XPO7: variants seen among roughly 807,000 people sequenced by gnomAD.
XPO7 encodes the protein exportin 7.
A neutral mutation model predicts 144.3 loss-of-function variants in XPO7; 21 were observed. The observed-to-expected ratio is 0.15, with a 90% CI of 0.10 to 0.21. The LOEUF (loss-of-function observed/expected upper bound fraction) is 0.21. Among genes scored for constraint, XPO7 ranks in the 10% least tolerant of loss-of-function variants. The pLI is 1.00. For synonymous variants in XPO7, 580 were observed against 499.6 expected, an observed-to-expected ratio of 1.16 and a Z score of -2.15; for missense variants, 808 against 1,325.8, an observed-to-expected ratio of 0.61 and a Z score of 6.06.
At chr8:21,952,978 G>A (rs1481757939) in intron 1 of XPO7, among the ~76,000 whole-genome samples, 1 of 152,146 alleles carries the variant, frequency 6.6e-6, no homozygotes, top group Non-Finnish European at 1.5e-5. Context: ...AAACTGAGCA[G>A]AAAGTACAGA....
intron 1 of XPO7, among the ~76,000 whole-genome samples, chr8:21,956,525 TTCTG>T (rs1446486775): frequency 1.3e-5 from 2 of 152,306 alleles, no homozygotes; most frequent in Admixed American, 6.5e-5. Context: ...CCATTCTCTG[TTCTG>T]TCTTTCTGTA....
At chr8:21,989,641 T>C (rs1190123695) in intron 16 of XPO7, among the ~76,000 whole-genome samples, 1 of 152,084 alleles carries the variant, frequency 6.6e-6, no homozygotes, top group East Asian at 1.9e-4. Flanking sequence ...AGTACCATTC[T>C]AAATAGGAGA....
intron 1 of XPO7, among the ~76,000 whole-genome samples, chr8:21,943,229 A>G (rs111528013): frequency 0.017 from 2,612 of 152,258 alleles, 36 homozygotes; most frequent in Non-Finnish European, 0.025. Context: ...ATTTTTTAGA[A>G]AGACGAAAAT....
Position 21,982,764 on chromosome 8 carries a change from C to T in XPO7, c.1229C>T (p.Thr410Ile). ...CTGGAAACTTACACTCCTGAGGTCA[C>T]CAAAGCCTACATCACATCCCGGTTG... ...HMLETYTPEV[T>I]KAYITSRLES... The change falls in exon 11 of 28, where the codon ACC (threonine) becomes ATC (isoleucine). Residue 410 changes from threonine (T) to isoleucine (I), a missense_variant. Physicochemically the swap from Thr to Ile is moderately conservative, Grantham distance 89 (BLOSUM62 -1). Coordinates refer to ENST00000252512, the MANE Select transcript of XPO7 (RefSeq NM_015024.5). The T allele has an allele frequency of 6.2e-7, 1 of 1,613,774 alleles. No individual in the cohort carries two copies. The highest frequency in any genetic ancestry group is 8.5e-7 in the Non-Finnish European group (1 of 1,179,834).
intron 7 of XPO7, among the ~76,000 whole-genome samples, chr8:21,977,258 T>C (rs955560089): frequency 6.6e-6 from 1 of 152,178 alleles, no homozygotes; most frequent in Non-Finnish European, 1.5e-5. Flanking sequence ...GAAATCTGTT[T>C]CTTAGAGAAG....
intron 27 of XPO7, among the ~76,000 whole-genome samples, chr8:22,004,649 C>T (rs1034098762): frequency 3.3e-5 from 5 of 151,988 alleles, no homozygotes; most frequent in African/African-American, 9.7e-5. Flanking sequence ...GGTTAGCAGC[C>T]GCCCTATTGG....
chr8:21,959,542 G>A (rs1354219328), intron 1 of XPO7, among the ~76,000 whole-genome samples: 1 of 152,112 alleles, frequency 6.6e-6, no homozygotes, highest in Non-Finnish European at 1.5e-5. Context: ...CCTTGTTCCT[G>A]CTGCTAGGTC....
At chr8:22,004,919 TA>T (rs10548676) in intron 27 of XPO7, 75 bp from the exon 28 acceptor site, 78,216 of 274,246 alleles carry the variant, frequency 0.29, 7,948 homozygotes, top group Middle Eastern at 0.35. Flanking sequence ...TCCCATGCTT[TA>T]AAAAAAAAAA....
At chr8:21,936,931 C>G (rs1172109734) in intron 1 of XPO7, among the ~76,000 whole-genome samples, 2 of 152,138 alleles carry the variant, frequency 1.3e-5, no homozygotes, top group African/African-American at 4.8e-5. Context: ...GAGTGGTTAA[C>G]TAGGCGACGC....
intron 21 of XPO7, among the ~76,000 whole-genome samples, chr8:21,996,539 A>G (rs1458184388): frequency 6.6e-6 from 1 of 152,200 alleles, no homozygotes; most frequent in Non-Finnish European, 1.5e-5. Flanking sequence ...CTTGTCCATC[A>G]CATTTCATGG....
chr8:21,970,354 A>G (rs770684038), intron 4 of XPO7, 44 bp downstream of exon 4: 2 of 1,531,956 alleles, frequency 1.3e-6, no homozygotes, highest in Non-Finnish European at 1.8e-6. Context: ...GAGAACCAGC[A>G]TATACATATA....
rs1168236972 is a variant in XPO7, at chr8:21,984,638, G to A, written c.1278-8G>A. 6.2e-7 allele frequency: 1 copy of A among 1,604,576 alleles called. No homozygotes were observed. Among genetic ancestry groups the A allele is most frequent in the South Asian group, 1.1e-5 (1 of 90,034 alleles). ...AGAGAGCTGCCTTCCTTCTTCCCTT[G>A]GGAATAGAGATGGCCTGGAAGATCC... On this transcript the variant is annotated splice_polypyrimidine_tract_variant and splice_region_variant and intron_variant, in intron 11 of 27. Coordinates refer to ENST00000252512, the MANE Select transcript of XPO7 (RefSeq NM_015024.5).
intron 1 of XPO7, among the ~76,000 whole-genome samples, chr8:21,959,094 T>C (rs1263404364): frequency 6.6e-6 from 1 of 152,182 alleles, no homozygotes; most frequent in Non-Finnish European, 1.5e-5. Flanking sequence ...TGAGCGAATA[T>C]GGATTTGATG....
At chr8:21,997,170 C>T (rs1370087636) in intron 21 of XPO7, among the ~76,000 whole-genome samples, 1 of 152,078 alleles carries the variant, frequency 6.6e-6, no homozygotes, top group African/African-American at 2.4e-5. Flanking sequence ...TATAACCTCC[C>T]AGGAGACTTA....
intron 1 of XPO7, among the ~76,000 whole-genome samples, chr8:21,938,232 G>A (rs1238628387): frequency 6.6e-6 from 1 of 152,132 alleles, no homozygotes; most frequent in Admixed American, 6.5e-5. Flanking sequence ...AGATGATAAT[G>A]TCTGTAATAC....
Position 21,990,898 on chromosome 8 carries a change from C to T in XPO7, c.2020C>T (p.Arg674Cys). Reference sequence around the variant, plus strand: ...GACTACCTTCTACACAGCACTTGGGCGTCTCCTCATGGTGGATTTAGGTAC... The same window carrying T: ...GACTACCTTCTACACAGCACTTGGGTGTCTCCTCATGGTGGATTTAGGTAC... The part of the protein sequence containing the change: ...CRTTFYTALG[R>C]LLMVDLGEDE... The change falls in exon 18 of 28, where the codon CGT becomes TGT. Residue 674 changes from arginine (R) to cysteine (C), a missense_variant. By Grantham distance (180) the Arg-to-Cys change is radical (BLOSUM62 -3). Coordinates refer to ENST00000252512, the MANE Select transcript of XPO7 (RefSeq NM_015024.5). The T allele has an allele frequency of 6.2e-7, 1 of 1,613,880 alleles. No homozygotes were observed. The highest frequency in any genetic ancestry group is 8.5e-7 in the Non-Finnish European group (1 of 1,179,840).
intron 3 of XPO7, chr8:21,969,901 A>G: frequency 1.8e-6 from 1 of 553,958 alleles, no homozygotes; most frequent in Non-Finnish European, 3.1e-6. Flanking sequence ...ACCTAGGGAT[A>G]GAGTCAAAGC....
At chr8:21,984,899 T>C in intron 12 of XPO7, 60 bp downstream of exon 12, 1 of 1,553,216 alleles carries the variant, frequency 6.4e-7, no homozygotes, top group Non-Finnish European at 8.7e-7. Flanking sequence ...TAGTACCCCT[T>C]CGCTCATTGC....
At chr8:21,939,294 T>C (rs868484321) in intron 1 of XPO7, among the ~76,000 whole-genome samples, 1 of 151,828 alleles carries the variant, frequency 6.6e-6, no homozygotes, top group Non-Finnish European at 1.5e-5. Flanking sequence ...CGATCTTAGC[T>C]CACTACAAGT....
Sources: gnomAD v4.1 joint callset for allele counts (sites outside exome capture counted in the v4.1 genomes callset) on GRCh38, gnomAD v4.1.1 for gene constraint, MANE v1.5 for transcripts, NCBI Gene and HGNC (gene_info 2026-07-23, HGNC 2026-07-21) for gene names.